Variants in TMCC3 observed in about 807,000 individuals in gnomAD.
TMCC3 encodes the protein transmembrane and coiled-coil domain protein 3.
Under a neutral mutation model 40.2 loss-of-function variants are expected in TMCC3, and 28 were observed. The ratio of observed to expected loss-of-function variants is 0.70; its 90% CI spans 0.52 to 0.95. The LOEUF is 0.95. Among genes scored for constraint, TMCC3 ranks in the 40% least tolerant of loss-of-function variants. The probability of loss-of-function intolerance (pLI) is 0.00; values close to 1 mark genes in which losing one functional copy is unlikely to be tolerated. For missense variants in TMCC3, 554 were observed against 615.2 expected (o/e 0.90, Z 1.05); for synonymous variants, 255 against 248.5 (o/e 1.03, Z -0.25).
chr12:94,586,497 A>C (rs2138831543), intron 1 of TMCC3, among the ~76,000 whole-genome samples: 1 of 152,352 alleles, frequency 6.6e-6, no homozygotes, highest in South Asian at 2.1e-4. Flanking sequence ...TTTCATAAGA[A>C]CTTGGTTTTG....
intron 1 of TMCC3, among the ~76,000 whole-genome samples, chr12:94,605,811 T>C (rs948825152): frequency 6.6e-6 from 1 of 150,464 alleles, no homozygotes; most frequent in African/African-American, 2.5e-5. Flanking sequence ...CTTTTATTTA[T>C]GGACTGAAAA....
At chr12:94,628,094 A>AG (rs2068913352) in intron 1 of TMCC3, among the ~76,000 whole-genome samples, 2 of 152,348 alleles carry the variant, frequency 1.3e-5, no homozygotes, top group South Asian at 4.1e-4. Context: ...GGCAATGAAG[A>AG]GACAATTATC....
intron 1 of TMCC3, chr12:94,590,716 G>A (rs2138836598): frequency 3.0e-6 from 1 of 336,644 alleles, no homozygotes; most frequent in Middle Eastern, 1.1e-3. Flanking sequence ...AGAAGAACAG[G>A]AGCTTTTCTA....
chr12:94,607,565 A>G (rs1342782363), intron 1 of TMCC3, among the ~76,000 whole-genome samples: 1 of 152,202 alleles, frequency 6.6e-6, no homozygotes, highest in Non-Finnish European at 1.5e-5. Flanking sequence ...CGGTCTCTCC[A>G]TTCGGGGTCC....
chr12:94,607,087 G>T (rs538340979), intron 1 of TMCC3, among the ~76,000 whole-genome samples: 1 of 152,262 alleles, frequency 6.6e-6, no homozygotes, highest in South Asian at 2.1e-4. Context: ...CCTTCCGCAC[G>T]GTATTCCTTG....
At chr12:94,590,583 G>A (rs1335335001) in intron 1 of TMCC3, among the ~76,000 whole-genome samples, 1 of 152,182 alleles carries the variant, frequency 6.6e-6, no homozygotes, top group Non-Finnish European at 1.5e-5. Flanking sequence ...GCAAACAGCA[G>A]ATAAGCCCTG....
chr12:94,627,990 C>G (rs2068912656), intron 1 of TMCC3, among the ~76,000 whole-genome samples: 1 of 152,186 alleles, frequency 6.6e-6, no homozygotes, highest in Non-Finnish European at 1.5e-5. Context: ...GCTGAAAGCC[C>G]AATCATTTTA....
intron 1 of TMCC3, among the ~76,000 whole-genome samples, chr12:94,592,661 CAAAAAAAA>C (rs869058316): frequency 3.6e-5 from 1 of 27,496 alleles, no homozygotes; most frequent in South Asian, 1.6e-3. Context: ...GGCTCCATCT[CAAAAAAAA>C]AAAAAAAAAA....
intron 2 of TMCC3, among the ~76,000 whole-genome samples, chr12:94,581,302 T>G (rs947838293): frequency 1.3e-5 from 2 of 152,210 alleles, no homozygotes; most frequent in Non-Finnish European, 2.9e-5. Context: ...GTGCTGACAC[T>G]CCAAAAGTTT....
At chr12:94,584,848 C>A (rs1347473996) in intron 1 of TMCC3, among the ~76,000 whole-genome samples, 2 of 151,430 alleles carry the variant, frequency 1.3e-5, no homozygotes, top group Non-Finnish European at 2.9e-5. Context: ...TGTGACTTCA[C>A]CTGGTCAAGA....
chr12:94,610,225 T>A (rs1250401454), intron 1 of TMCC3, among the ~76,000 whole-genome samples: 5 of 152,086 alleles, frequency 3.3e-5, no homozygotes, highest in African/African-American at 4.8e-5. Context: ...TACCATAGAG[T>A]GTATTTGCAC....
intron 1 of TMCC3, among the ~76,000 whole-genome samples, chr12:94,648,764 T>A (rs951757769): frequency 1.3e-5 from 2 of 152,214 alleles, no homozygotes; most frequent in Non-Finnish European, 2.9e-5. Context: ...ACCACTTAAA[T>A]GAGTTGACAA....
At position 94,571,675 on chromosome 12, in the gene TMCC3, T is replaced by C. The variant is rs892973491; in HGVS notation, c.1194A>G (p.Gln398=). 7.4e-6 allele frequency: 12 copies of C among 1,614,070 alleles called. No individual in the cohort carries two copies. The highest frequency in any genetic ancestry group is 1.0e-5 in the Non-Finnish European group (12 of 1,180,040). ...CATTCACGGTGTCTGTCTGCAGAGCTTGCTGCTCTTGCTGGTGGAGCTCCA... is the reference window on the plus strand; with the variant it reads ...CATTCACGGTGTCTGTCTGCAGAGCCTGCTGCTCTTGCTGGTGGAGCTCCA... ...SKLELHQQEQ[Q]ALQTDTVNAK... Residue 398 remains glutamine (Q), a synonymous_variant, in exon 4 of 4, where the codon CAA becomes CAG. Transcript: ENST00000261226.
chr12:94,583,821 G>A (rs972557287), intron 1 of TMCC3, among the ~76,000 whole-genome samples: 4 of 152,138 alleles, frequency 2.6e-5, no homozygotes, highest in African/African-American at 9.7e-5. Context: ...TCCATGTCAG[G>A]TCACTCCATT....
rs140151943 is a variant in TMCC3, at chr12:94,634,299, C to T, written c.78+16054G>A. On this transcript the variant is annotated intron_variant, in intron 1 of 3. Transcript: ENST00000261226. ...CTGTTACCATTCTAATTACCCCAAA[C>T]ATGCAAAAAATTATTTAAGAAATGA... 4.1e-3 allele frequency among the ~76,000 whole-genome samples: 628 copies of T among 151,952 alleles called. 4 individuals are homozygous for T. The highest frequency in any genetic ancestry group is 0.014 in the African/African-American group (599 of 41,416).
chr12:94,604,642 C>CAAAA (rs62951060), intron 1 of TMCC3, among the ~76,000 whole-genome samples: 2 of 116,088 alleles, frequency 1.7e-5, no homozygotes, highest in Admixed American at 9.0e-5. Context: ...CCATCTCTAC[C>CAAAA]AAAAAAAAAA....
chr12:94,612,321 A>T (rs1555284598), intron 1 of TMCC3, among the ~76,000 whole-genome samples: 1 of 145,380 alleles, frequency 6.9e-6, no homozygotes, highest in Non-Finnish European at 1.5e-5. Flanking sequence ...TATTTTATTT[A>T]TTTTTTTTGA....
intron 1 of TMCC3, among the ~76,000 whole-genome samples, chr12:94,617,277 T>C (rs929818749): frequency 3.9e-5 from 6 of 152,144 alleles, no homozygotes; most frequent in African/African-American, 1.4e-4. Flanking sequence ...CTGGAGCCCA[T>C]TGGTGACAGC....
chr12:94,568,222 A>G lies in TMCC3; in HGVS notation c.*3213T>C, dbSNP rs1159254072. The G allele has an allele frequency of 6.6e-6, 1 of 151,934 alleles. No homozygotes were observed. Among genetic ancestry groups the G allele is most frequent in the Non-Finnish European group, 1.5e-5 (1 of 68,004 alleles). 9.4% of individuals were successfully genotyped at this position (151,934 alleles called of 1,614,324 possible). ...CCATGTTCATTGTCCAAACCCAGCA[A>G]CGGAGTACTTTTTTGCTGTTTCATT... On this transcript the variant is annotated 3_prime_UTR_variant, in exon 4 of 4. Transcript: ENST00000261226.
Sources: allele counts gnomAD v4.1 joint callset (sites outside exome capture counted in the v4.1 genomes callset), GRCh38; gene constraint gnomAD v4.1.1; transcripts MANE v1.5; gene names NCBI Gene and HGNC (gene_info 2026-07-23, HGNC 2026-07-21).